Variants in FILIP1L observed in about 807,000 individuals in gnomAD.
FILIP1L encodes filamin A-interacting protein 1-like.
Under a neutral mutation model 96.6 loss-of-function variants are expected in FILIP1L, and 55 were observed. That is an observed-to-expected ratio of 0.57 (90% CI 0.46 to 0.71). The LOEUF (loss-of-function observed/expected upper bound fraction) is 0.71, where lower values mean the gene tolerates loss of function less well. Ranked by LOEUF, FILIP1L falls within the 30% of genes least tolerant of loss-of-function variation. FILIP1L has a pLI of 0.00. For synonymous variants in FILIP1L, 467 were observed against 473.9 expected (o/e 0.99, Z 0.19); for missense variants, 1,304 against 1,321.2 (o/e 0.99, Z 0.20).
intron 3 of FILIP1L, among the ~76,000 whole-genome samples, chr3:99,927,293 C>T (rs1025616757): frequency 6.6e-6 from 1 of 151,892 alleles, no homozygotes; most frequent in Non-Finnish European, 1.5e-5. Context: ...TAAGATTTGC[C>T]CTAGGTTATG....
intron 1 of FILIP1L, among the ~76,000 whole-genome samples, chr3:99,999,246 C>T (rs1420449757): frequency 1.3e-5 from 2 of 152,170 alleles, no homozygotes; most frequent in Non-Finnish European, 2.9e-5. Context: ...TAAGCTCTCA[C>T]TGTAGCAAGG....
chr3:99,921,497 G>A (rs887513881), intron 4 of FILIP1L, among the ~76,000 whole-genome samples: 1 of 152,160 alleles, frequency 6.6e-6, no homozygotes, highest in Non-Finnish European at 1.5e-5. Flanking sequence ...GCAAAGCAAG[G>A]GAAGTCACAT....
chr3:99,908,372 A>G (rs926171379), intron 4 of FILIP1L, among the ~76,000 whole-genome samples: 1 of 152,378 alleles, frequency 6.6e-6, no homozygotes, highest in East Asian at 1.9e-4. Context: ...TTGGCATCTT[A>G]AAAGAACATT....
At chr3:99,911,381 T>G (rs1706782474) in intron 4 of FILIP1L, among the ~76,000 whole-genome samples, 1 of 151,180 alleles carries the variant, frequency 6.6e-6, no homozygotes, top group South Asian at 2.1e-4. Flanking sequence ...TTAAGTTGTT[T>G]CCAAATTTGA....
intron 1 of FILIP1L, chr3:100,075,447 T>G (rs1474587553): frequency 6.6e-6 from 1 of 152,234 alleles, no homozygotes; most frequent in Non-Finnish European, 1.5e-5. Context: ...AGACCATAAT[T>G]TGTTCTTTAA....
At position 100,015,264 on chromosome 3, in the gene FILIP1L, A is replaced by T. The variant is rs756778177; in HGVS notation, c.-10-84234T>A. On this transcript the variant is annotated intron_variant, in intron 1 of 5. Coordinates refer to ENST00000477258, the MANE Select transcript of FILIP1L (RefSeq NM_001387850.1). ...TCCCTTGGATTATATGTTTGTTTTC[A>T]TGACAGTACCATGCTGTTTTGATTA... Among the ~76,000 whole-genome samples, 7 of 152,016 alleles carry T rather than the reference A, an allele frequency of 4.6e-5. No homozygotes were observed. In the East Asian group the frequency reaches 7.7e-4, roughly 17 times the overall value.
At chr3:99,932,197 G>C (rs1200876179) in intron 1 of FILIP1L, among the ~76,000 whole-genome samples, 1 of 152,050 alleles carries the variant, frequency 6.6e-6, no homozygotes, top group Admixed American at 6.6e-5. Flanking sequence ...TCCCACTCCA[G>C]AAGTAACCAC....
In FILIP1L at chr3:100,063,296, A is replaced by G. The variant is rs7639304; in HGVS notation, c.-11+50757T>C. On this transcript the variant is annotated intron_variant, in intron 1 of 5. Coordinates refer to ENST00000477258, the MANE Select transcript of FILIP1L (RefSeq NM_001387850.1). The stretch of plus-strand genomic sequence containing the variant: ...CTCAGTTTAGAAATAAAATTTTAAC[A>G]GAAAATTTAAAAATTGGTTCCACAC... 4.5e-3 allele frequency among the ~76,000 whole-genome samples: 686 copies of G among 152,324 alleles called. 7 individuals carry two copies. Among genetic ancestry groups the G allele is most frequent in the African/African-American group, 0.016 (672 of 41,576 alleles).
intron 2 of FILIP1L, 137 bp downstream of exon 2, chr3:99,930,632 G>C: frequency 1.1e-6 from 1 of 877,004 alleles, no homozygotes; most frequent in South Asian, 1.7e-5. Flanking sequence ...AGAATTCTTT[G>C]TATATATACT....
intron 1 of FILIP1L, among the ~76,000 whole-genome samples, chr3:99,956,637 G>A (rs1708328005): frequency 6.6e-6 from 1 of 152,212 alleles, no homozygotes; most frequent in Non-Finnish European, 1.5e-5. Flanking sequence ...GTGAGCCCCC[G>A]CGCCCAGCCA....
chr3:100,037,877 G>A (rs761829098), intron 1 of FILIP1L, among the ~76,000 whole-genome samples: 16 of 150,662 alleles, frequency 1.1e-4, no homozygotes, highest in Admixed American at 2.6e-4. Flanking sequence ...AATTACCTGA[G>A]TAGCTTTACA....
chr3:100,080,544 C>T (rs989970738), intron 1 of FILIP1L, among the ~76,000 whole-genome samples: 1 of 152,106 alleles, frequency 6.6e-6, no homozygotes, highest in African/African-American at 2.4e-5. Context: ...GATCTGTGGA[C>T]CACATTTTGA....
intron 4 of FILIP1L, among the ~76,000 whole-genome samples, chr3:99,854,815 G>T (rs1174714084): frequency 1.3e-5 from 2 of 152,138 alleles, no homozygotes; most frequent in Non-Finnish European, 2.9e-5. Context: ...TTAAACAGGT[G>T]CAACTGAGAG....
intron 5 of FILIP1L, chr3:99,833,187 A>G (rs1942754067): frequency 1.9e-6 from 3 of 1,558,274 alleles, no homozygotes; most frequent in Admixed American, 1.7e-5. Flanking sequence ...CCAGTTCAAC[A>G]TGAAGACTGG....
intron 4 of FILIP1L, among the ~76,000 whole-genome samples, chr3:99,876,383 T>TGGTGGGCC (rs147852464): frequency 0.088 from 13,383 of 151,864 alleles, 666 homozygotes; most frequent in South Asian, 0.14. Flanking sequence ...AGGGAATGAG[T>TGGTGGGCC]GGTGGGCCGG....
At chr3:99,917,910 T>G (rs1295400908) in intron 4 of FILIP1L, among the ~76,000 whole-genome samples, 1 of 152,150 alleles carries the variant, frequency 6.6e-6, no homozygotes, top group Non-Finnish European at 1.5e-5. Context: ...TCACAAATTT[T>G]TAGGTGTGAA....
At chr3:99,936,126 C>G (rs1265182444) in intron 1 of FILIP1L, among the ~76,000 whole-genome samples, 1 of 151,944 alleles carries the variant, frequency 6.6e-6, no homozygotes, top group Non-Finnish European at 1.5e-5. Flanking sequence ...GTGGATGTGA[C>G]TAGAGGATAT....
At chr3:99,889,014 GT>G (rs1209605515) in intron 4 of FILIP1L, among the ~76,000 whole-genome samples, 1 of 152,086 alleles carries the variant, frequency 6.6e-6, no homozygotes, top group Non-Finnish European at 1.5e-5. Flanking sequence ...TGACATTAAG[GT>G]TTGTTTCATG....
intron 5 of FILIP1L, among the ~76,000 whole-genome samples, chr3:99,831,482 A>C (rs1023809323): frequency 6.6e-6 from 1 of 152,242 alleles, no homozygotes; most frequent in Non-Finnish European, 1.5e-5. Context: ...AAAGACGAAA[A>C]AGGAAGGAAA....
Sources: gnomAD v4.1 joint callset for allele counts (sites outside exome capture counted in the v4.1 genomes callset) on GRCh38, gnomAD v4.1.1 for gene constraint, MANE v1.5 for transcripts, NCBI Gene and HGNC (gene_info 2026-07-23, HGNC 2026-07-21) for gene names.